Variants in ATP8A2 observed in about 807,000 individuals in gnomAD.
ATP8A2 encodes ATPase phospholipid transporting 8A2.
A neutral mutation model predicts 165.6 loss-of-function variants in ATP8A2; 100 were observed. The ratio of observed to expected loss-of-function variants is 0.60; its 90% CI spans 0.51 to 0.71. The LOEUF (loss-of-function observed/expected upper bound fraction) is 0.71. ATP8A2 is among the 30% of genes least tolerant of loss of function. The pLI is 0.00. For synonymous variants in ATP8A2, 543 were observed against 548.8 expected (o/e 0.99, Z 0.15); for missense variants, 1,227 against 1,479.5 (o/e 0.83, Z 2.80).
At chr13:25,928,200 G>A (rs902171699) in intron 33 of ATP8A2, among the ~76,000 whole-genome samples, 2 of 152,162 alleles carry the variant, frequency 1.3e-5, no homozygotes, top group Non-Finnish European at 2.9e-5. Flanking sequence ...ATGGCCAGGG[G>A]GCCTGTGTTA....
intron 36 of ATP8A2, among the ~76,000 whole-genome samples, chr13:26,014,007 A>G (rs2139363804): frequency 6.6e-6 from 1 of 152,330 alleles, no homozygotes; most frequent in East Asian, 1.9e-4. Flanking sequence ...TGGGTGGCCC[A>G]GCATTGCTCA....
chr13:25,555,685 T>A (rs1025608939), intron 13 of ATP8A2, among the ~76,000 whole-genome samples: 1 of 152,114 alleles, frequency 6.6e-6, no homozygotes, highest in South Asian at 2.1e-4. Context: ...GTTTTGTGGG[T>A]ATATTATGTG....
At chr13:25,659,348 TTTCA>T (rs2042001339) in intron 24 of ATP8A2, among the ~76,000 whole-genome samples, 1 of 152,046 alleles carries the variant, frequency 6.6e-6, no homozygotes, top group Non-Finnish European at 1.5e-5. Flanking sequence ...TGCGATCGAG[TTTCA>T]TTTAATTAGA....
intron 35 of ATP8A2, among the ~76,000 whole-genome samples, chr13:25,993,506 A>G (rs9512011): frequency 0.22 from 34,073 of 152,188 alleles, 4,349 homozygotes; most frequent in Non-Finnish European, 0.3. Flanking sequence ...ACTTTCAAGT[A>G]TGTATGCTGA....
chr13:25,528,620 G>A (rs2037916176), intron 2 of ATP8A2, among the ~76,000 whole-genome samples: 1 of 152,068 alleles, frequency 6.6e-6, no homozygotes, highest in African/African-American at 2.4e-5. Flanking sequence ...TTCTATTGGG[G>A]TGCTTCTAAT....
chr13:25,386,946 G>T (rs554542984), intron 1 of ATP8A2, among the ~76,000 whole-genome samples: 1 of 138,248 alleles, frequency 7.2e-6, no homozygotes, highest in East Asian at 2.5e-4. Flanking sequence ...GCAGTGAGCC[G>T]AGATCGCGCC....
intron 1 of ATP8A2, among the ~76,000 whole-genome samples, chr13:25,438,515 C>T (rs917631926): frequency 1.4e-4 from 22 of 152,012 alleles, no homozygotes; most frequent in African/African-American, 4.8e-4. Context: ...GTGGTGTGCA[C>T]CTGTAGTCCT....
chr13:25,794,403 C>A (rs1950454749), intron 27 of ATP8A2, among the ~76,000 whole-genome samples: 2 of 152,174 alleles, frequency 1.3e-5, no homozygotes, highest in Non-Finnish European at 2.9e-5. Context: ...CATGAAAGAA[C>A]CCAGACTCAA....
chr13:25,767,869 G>A lies in ATP8A2; in HGVS notation c.2385-1177G>A, dbSNP rs566870898. The stretch of plus-strand genomic sequence containing the variant: ...TTTCTTTCTCAAGTTGGTAGAATGA[G>A]ATGTCAGGTAGCACTTCAGTTTTCT... On this transcript the variant is annotated intron_variant, in intron 25 of 36. Coordinates refer to ENST00000381655, the MANE Select transcript of ATP8A2 (RefSeq NM_016529.6). Among the ~76,000 whole-genome samples the A allele has an allele frequency of 1.2e-3, 186 of 152,242 alleles. 1 individual carries two copies. Among genetic ancestry groups the A allele is most frequent in the African/African-American group, 4.3e-3 (177 of 41,528 alleles).
intron 24 of ATP8A2, chr13:25,649,100 G>A: frequency 8.5e-6 from 4 of 470,950 alleles, no homozygotes; most frequent in South Asian, 6.1e-5. Flanking sequence ...CCTTGCGTTG[G>A]TGTTTGTGTA....
At chr13:25,974,548 G>A (rs985011817) in intron 35 of ATP8A2, among the ~76,000 whole-genome samples, 1 of 152,066 alleles carries the variant, frequency 6.6e-6, no homozygotes, top group African/African-American at 2.4e-5. Flanking sequence ...GCTTCAAGGA[G>A]CTCCTCTTTG....
At chr13:25,418,437 T>A (rs2034198048) in intron 1 of ATP8A2, among the ~76,000 whole-genome samples, 1 of 151,972 alleles carries the variant, frequency 6.6e-6, no homozygotes, top group Non-Finnish European at 1.5e-5. Flanking sequence ...CTACTCTGCC[T>A]CCTCTAGATC....
At chr13:25,640,346 T>TA (rs1350289751) in intron 24 of ATP8A2, among the ~76,000 whole-genome samples, 3 of 151,950 alleles carry the variant, frequency 2.0e-5, no homozygotes, top group Admixed American at 6.6e-5. Context: ...ACAAAATTGA[T>TA]AGACTGCTAG....
At chr13:25,444,216 G>T (rs1348740525) in intron 1 of ATP8A2, among the ~76,000 whole-genome samples, 1 of 152,074 alleles carries the variant, frequency 6.6e-6, no homozygotes, top group Non-Finnish European at 1.5e-5. Context: ...GACTTCTTTT[G>T]GTCAGCAGAT....
chr13:25,672,333 C>A, intron 24 of ATP8A2, among the ~76,000 whole-genome samples: 1 of 152,132 alleles, frequency 6.6e-6, no homozygotes, highest in East Asian at 1.9e-4. Flanking sequence ...TATCTTAGGT[C>A]TTTTGTTTTT....
chr13:25,493,922 G>T (rs1050208121), intron 2 of ATP8A2, among the ~76,000 whole-genome samples: 8 of 152,128 alleles, frequency 5.3e-5, no homozygotes, highest in Admixed American at 4.6e-4. Context: ...TGGGCAAGAA[G>T]AAGAGAGACT....
intron 1 of ATP8A2, among the ~76,000 whole-genome samples, chr13:25,407,918 G>C (rs756760317): frequency 6.6e-6 from 1 of 152,092 alleles, no homozygotes; most frequent in African/African-American, 2.4e-5. Flanking sequence ...TCCCACCTAC[G>C]GGAGGCAAGG....
At chr13:25,397,286 C>T (rs2033461412) in intron 1 of ATP8A2, among the ~76,000 whole-genome samples, 2 of 152,180 alleles carry the variant, frequency 1.3e-5, no homozygotes, top group South Asian at 4.1e-4. Context: ...TCTTATAGGA[C>T]CTGGTGAAAG....
At chr13:25,918,578 T>G (rs536716423) in intron 33 of ATP8A2, among the ~76,000 whole-genome samples, 1 of 152,178 alleles carries the variant, frequency 6.6e-6, no homozygotes, top group East Asian at 1.9e-4. Flanking sequence ...TAAGCAGCAG[T>G]TTATGTTATA....
Sources: allele counts gnomAD v4.1 joint callset (sites outside exome capture counted in the v4.1 genomes callset), GRCh38; gene constraint gnomAD v4.1.1; transcripts MANE v1.5; gene names NCBI Gene and HGNC (gene_info 2026-07-23, HGNC 2026-07-21).